The following CAMK1D variants were observed in gnomAD, a reference collection of about 807,000 sequenced individuals.
CAMK1D encodes calcium/calmodulin dependent protein kinase ID.
In CAMK1D, 9 loss-of-function variants were observed where a neutral mutation model predicts 47.7. The ratio of observed to expected loss-of-function variants is 0.19; its 90% confidence interval spans 0.11 to 0.33. The LOEUF is 0.33. Among genes scored for constraint, CAMK1D ranks in the 10% least tolerant of loss-of-function variants. CAMK1D has a pLI of 1.00. For synonymous variants in CAMK1D, 184 were observed against 184.9 expected, an observed-to-expected ratio of 0.99 and a Z score of 0.04; for missense variants, 291 against 488.7, an observed-to-expected ratio of 0.60 and a Z score of 3.81.
chr10:12,664,765 G>A (rs919857419), intron 2 of CAMK1D, among the ~76,000 whole-genome samples: 1 of 152,288 alleles, frequency 6.6e-6, no homozygotes. Flanking sequence ...AGTATTCACC[G>A]TTTTGCTACA....
intron 6 of CAMK1D, among the ~76,000 whole-genome samples, chr10:12,795,036 G>A (rs904241616): frequency 1.3e-5 from 2 of 152,210 alleles, no homozygotes; most frequent in African/African-American, 4.8e-5. Context: ...AATGCTGGTT[G>A]TTGACACTAA....
At chr10:12,459,117 G>A (rs991342355) in intron 1 of CAMK1D, among the ~76,000 whole-genome samples, 1 of 152,070 alleles carries the variant, frequency 6.6e-6, no homozygotes, top group South Asian at 2.1e-4. Flanking sequence ...GACCTCAGGC[G>A]ATCCACCTGC....
At chr10:12,654,039 C>T (rs1840052659) in intron 2 of CAMK1D, among the ~76,000 whole-genome samples, 3 of 152,150 alleles carry the variant, frequency 2.0e-5, no homozygotes, top group African/African-American at 7.2e-5. Flanking sequence ...AATACCTTTC[C>T]CCTAGATTCC....
At chr10:12,563,639 G>T (rs186452619) in intron 2 of CAMK1D, among the ~76,000 whole-genome samples, 1 of 149,440 alleles carries the variant, frequency 6.7e-6, no homozygotes, top group African/African-American at 2.5e-5. Context: ...ACCAATATGG[G>T]GCATTCCAGA....
intron 6 of CAMK1D, among the ~76,000 whole-genome samples, chr10:12,804,417 C>T (rs73576070): frequency 0.034 from 5,133 of 151,998 alleles, 143 homozygotes; most frequent in Middle Eastern, 0.088. Flanking sequence ...AGTTCAAGAC[C>T]AGCCTGGTCA....
chr10:12,486,600 A>G (rs1255043629), intron 1 of CAMK1D, among the ~76,000 whole-genome samples: 1 of 152,200 alleles, frequency 6.6e-6, no homozygotes, highest in Non-Finnish European at 1.5e-5. Context: ...TAGTACAACT[A>G]TCTGCTGAGT....
intron 1 of CAMK1D, among the ~76,000 whole-genome samples, chr10:12,361,228 A>C (rs570431583): frequency 1.4e-5 from 2 of 147,628 alleles, no homozygotes; most frequent in Non-Finnish European, 3.0e-5. Context: ...GGATATAATA[A>C]CAAGACTTCC....
At chr10:12,778,276 T>C (rs1837351810) in intron 5 of CAMK1D, among the ~76,000 whole-genome samples, 1 of 152,202 alleles carries the variant, frequency 6.6e-6, no homozygotes, top group African/African-American at 2.4e-5. Context: ...TGGTGCTTTT[T>C]CCCCAAGTAT....
intron 1 of CAMK1D, among the ~76,000 whole-genome samples, chr10:12,488,905 G>T (rs1834295974): frequency 6.6e-6 from 1 of 152,130 alleles, no homozygotes; most frequent in African/African-American, 2.4e-5. Flanking sequence ...CTCACTTGCC[G>T]TCCCCCTCCT....
At chr10:12,657,932 A>C (rs960768559) in intron 2 of CAMK1D, among the ~76,000 whole-genome samples, 2 of 152,060 alleles carry the variant, frequency 1.3e-5, no homozygotes. Context: ...GGGCGGATCA[A>C]CTGAGGCCAG....
At chr10:12,700,445 C>T (rs1000300557) in intron 3 of CAMK1D, among the ~76,000 whole-genome samples, 6 of 152,136 alleles carry the variant, frequency 3.9e-5, no homozygotes, top group African/African-American at 4.8e-5. Context: ...GTAACCGCCC[C>T]CATGATTCAA....
rs1832791048 is a variant in CAMK1D at position 12,816,346 on chromosome 10, C to T, written c.833+18C>T. On this transcript the variant is annotated intron_variant, in intron 8 of 10. Transcript: ENST00000619168. ...CACCCATGGTAAGGAAATGCACCCG[C>T]TCAGCAGACCGTGCCATTTAATGCC... 1 of 1,608,008 alleles carries T rather than the reference C, an allele frequency of 6.2e-7. No individual in the cohort carries two copies. Among genetic ancestry groups the T allele is most frequent in the East Asian group, 2.2e-5 (1 of 44,762 alleles).
intron 5 of CAMK1D, among the ~76,000 whole-genome samples, chr10:12,771,465 C>G (rs2130936010): frequency 6.6e-6 from 1 of 152,338 alleles, no homozygotes; most frequent in South Asian, 2.1e-4. Flanking sequence ...CTTTCAGGTC[C>G]TTGCATATAA....
At chr10:12,399,271 C>G (rs747651512) in intron 1 of CAMK1D, among the ~76,000 whole-genome samples, 9 of 152,038 alleles carry the variant, frequency 5.9e-5, no homozygotes, top group Non-Finnish European at 1.2e-4. Context: ...TTTGGGAGGC[C>G]GAGGCAGTGG....
chr10:12,385,739 C>CT (rs71384318), intron 1 of CAMK1D, among the ~76,000 whole-genome samples: 37,009 of 100,320 alleles, frequency 0.37, 7,495 homozygotes, highest in Non-Finnish European at 0.45. Context: ...TTGAATTGTA[C>CT]TTTTTTTTTT....
At chr10:12,720,861 T>C (rs1588846119) in intron 3 of CAMK1D, among the ~76,000 whole-genome samples, 1 of 152,336 alleles carries the variant, frequency 6.6e-6, no homozygotes, top group East Asian at 1.9e-4. Flanking sequence ...AGCCTTAGAA[T>C]TGAATTAACT....
At chr10:12,807,122 A>C (rs67895914) in intron 6 of CAMK1D, among the ~76,000 whole-genome samples, 11,745 of 152,196 alleles carry the variant, frequency 0.077, 472 homozygotes, top group Middle Eastern at 0.13. Flanking sequence ...TCCCTGGCAT[A>C]AGGCCTCTAA....
At chr10:12,533,039 A>G (rs1296435416) in intron 1 of CAMK1D, among the ~76,000 whole-genome samples, 2 of 152,202 alleles carry the variant, frequency 1.3e-5, no homozygotes, top group Admixed American at 1.3e-4. Context: ...GGGTGACTAT[A>G]AGTCAATAAT....
At chr10:12,391,259 G>C (rs1363480690) in intron 1 of CAMK1D, among the ~76,000 whole-genome samples, 1 of 152,072 alleles carries the variant, frequency 6.6e-6, no homozygotes, top group Non-Finnish European at 1.5e-5. Flanking sequence ...GTAGGTGTGC[G>C]CTTTTTTTTC....
Sources: allele counts gnomAD v4.1 joint callset (sites outside exome capture counted in the v4.1 genomes callset), GRCh38; gene constraint gnomAD v4.1.1; transcripts MANE v1.5; gene names NCBI Gene and HGNC (gene_info 2026-07-23, HGNC 2026-07-21).